Variants in FECH observed in about 807,000 individuals in gnomAD.
The protein encoded by FECH is ferrochelatase, mitochondrial.
A neutral mutation model predicts 56.9 loss-of-function variants in FECH; 40 were observed. The ratio of observed to expected loss-of-function variants is 0.70; its 90% CI spans 0.55 to 0.92. FECH has a LOEUF of 0.92. FECH is among the 40% of genes least tolerant of loss of function. FECH has a pLI of 0.00. For synonymous variants in FECH, 175 were observed against 198.6 expected (o/e 0.88, Z 1.00); for missense variants, 431 against 529.1 (o/e 0.81, Z 1.82).
At chr18:57,558,803 C>A (rs1055994139) in intron 7 of FECH, among the ~76,000 whole-genome samples, 1 of 152,100 alleles carries the variant, frequency 6.6e-6, no homozygotes, top group Non-Finnish European at 1.5e-5. Context: ...TGCCTGTAAT[C>A]CCAGCTACTT....
intron 5 of FECH, among the ~76,000 whole-genome samples, chr18:57,564,356 G>C (rs540821715): frequency 6.6e-6 from 1 of 152,322 alleles, no homozygotes; most frequent in East Asian, 1.9e-4. Flanking sequence ...AAGGCAGATG[G>C]TGTCAACCCA....
At position 57,546,767 on chromosome 18, in the gene FECH, T is replaced by G. The variant is rs2122224493; in HGVS notation, c.*3945A>C. Among the ~76,000 whole-genome samples, 1 of 151,982 alleles carries G rather than the reference T, an allele frequency of 6.6e-6. No homozygotes were observed. The highest frequency in any genetic ancestry group is 2.4e-5 in the African/African-American group (1 of 41,456). On this transcript the variant is annotated 3_prime_UTR_variant, in exon 11 of 11. Coordinates refer to ENST00000262093, the MANE Select transcript of FECH (RefSeq NM_000140.5). ...CGAGGTCAGGAATTAGAGACCAGCC[T>G]GACCAACATGGTCAGGCCCCATCTC...
intron 2 of FECH, among the ~76,000 whole-genome samples, chr18:57,575,439 TTTTTTG>T (rs1350299375): frequency 1.3e-5 from 2 of 152,070 alleles, no homozygotes; most frequent in Non-Finnish European, 2.9e-5. Flanking sequence ...TGATGACATC[TTTTTTG>T]TTTTTGTTTT....
At chr18:57,570,348 A>T (rs1490976355) in intron 4 of FECH, among the ~76,000 whole-genome samples, 1 of 152,212 alleles carries the variant, frequency 6.6e-6, no homozygotes, top group African/African-American at 2.4e-5. Flanking sequence ...TTAAGCAGGA[A>T]GCAAGCCGAA....
At chr18:57,570,142 C>G (rs2051082159) in intron 4 of FECH, among the ~76,000 whole-genome samples, 2 of 151,430 alleles carry the variant, frequency 1.3e-5, no homozygotes, top group South Asian at 2.1e-4. Context: ...GATCCACCTG[C>G]CTTGGCCTCC....
chr18:57,558,391 T>C (rs780022469), intron 7 of FECH, among the ~76,000 whole-genome samples: 7 of 152,198 alleles, frequency 4.6e-5, no homozygotes, highest in African/African-American at 1.7e-4. Flanking sequence ...CCCAACTTGA[T>C]CCTCTATATT....
At chr18:57,570,416 G>GC (rs2051088080) in intron 4 of FECH, among the ~76,000 whole-genome samples, 1 of 152,206 alleles carries the variant, frequency 6.6e-6, no homozygotes, top group African/African-American at 2.4e-5. Context: ...AGGGGCCAGG[G>GC]CCCTTTGTTA....
At chr18:57,565,812 G>A (rs1385936505) in intron 5 of FECH, among the ~76,000 whole-genome samples, 2 of 152,194 alleles carry the variant, frequency 1.3e-5, no homozygotes, top group Non-Finnish European at 2.9e-5. Context: ...AAATGTGTCT[G>A]TGGGTGACAG....
intron 2 of FECH, among the ~76,000 whole-genome samples, chr18:57,575,644 T>C (rs1280020944): frequency 6.6e-6 from 1 of 152,150 alleles, no homozygotes; most frequent in African/African-American, 2.4e-5. Flanking sequence ...AGTCTCGCCA[T>C]GTGGCCCCGA....
rs1045313454 is a variant in FECH at position 57,555,464 on chromosome 18, C to T, written c.805-512G>A. 3.9e-5 allele frequency among the ~76,000 whole-genome samples: 6 copies of T among 152,158 alleles called. No homozygotes were observed. The East Asian group carries it at 1.2e-3, about 29-fold the overall frequency. ...GTTACAGGCACCTCCAAGAGTGTGA[C>T]CTGCACCTTCCACTTCCTCTCTCCC... On this transcript the variant is annotated intron_variant, in intron 7 of 10. Transcript: ENST00000262093.
chr18:57,571,191 G>A (rs1440176972), intron 4 of FECH, among the ~76,000 whole-genome samples: 2 of 151,860 alleles, frequency 1.3e-5, no homozygotes, highest in Non-Finnish European at 2.9e-5. Context: ...TTTTTTACTT[G>A]TAATGTAAGA....
intron 7 of FECH, among the ~76,000 whole-genome samples, chr18:57,558,315 T>C (rs1041587237): frequency 1.3e-5 from 2 of 152,242 alleles, no homozygotes; most frequent in African/African-American, 2.4e-5. Flanking sequence ...ACAACAGCTA[T>C]GGCACAGATT....
intron 5 of FECH, 27 bp downstream of exon 5, chr18:57,566,420 T>C (rs1382845039): frequency 6.2e-7 from 1 of 1,614,070 alleles, no homozygotes; most frequent in Admixed American, 1.7e-5. Flanking sequence ...CGTATCTACC[T>C]TTCCACTGTC....
At chr18:57,554,991 T>C (rs751584756) in intron 7 of FECH, 39 bp from the exon 8 acceptor site, 1 of 1,530,556 alleles carries the variant, frequency 6.5e-7, no homozygotes, top group Non-Finnish European at 9.1e-7. Context: ...CCATTAACAC[T>C]GGGAAGGCCC....
chr18:57,582,783 C>T (rs1408032334), intron 1 of FECH, among the ~76,000 whole-genome samples: 2 of 150,046 alleles, frequency 1.3e-5, no homozygotes, highest in African/African-American at 2.5e-5. Flanking sequence ...ATTAGCCAGG[C>T]GTGGTGGCGG....
intron 5 of FECH, 80 bp downstream of exon 5, chr18:57,566,367 C>T: frequency 6.3e-7 from 1 of 1,592,646 alleles, no homozygotes; most frequent in South Asian, 1.1e-5. Context: ...ATAATTCATC[C>T]TTCCCTTCAG....
At chr18:57,573,418 AG>A in intron 2 of FECH, 53 bp from the exon 3 acceptor site, 1 of 1,608,320 alleles carries the variant, frequency 6.2e-7, no homozygotes, top group East Asian at 2.2e-5. Context: ...ATTTTCTTCC[AG>A]GGTGGACTCT....
chr18:57,564,792 G>A (rs1339846050), intron 5 of FECH, among the ~76,000 whole-genome samples: 1 of 152,190 alleles, frequency 6.6e-6, no homozygotes, highest in East Asian at 1.9e-4. Flanking sequence ...GTGCAAGGGG[G>A]CATCTGGAAG....
Position 57,554,307 on chromosome 18 carries a change from T to C in FECH, c.1030A>G (p.Thr344Ala), listed in dbSNP as rs1398094775. 1 of 1,614,084 alleles carries C rather than the reference T, an allele frequency of 6.2e-7. No homozygotes were observed. Among genetic ancestry groups the C allele is most frequent in the Admixed American group, 1.7e-5 (1 of 60,010 alleles). Residue 344 changes from threonine (T) to alanine (A), a missense_variant, in exon 9 of 11, where the codon ACG becomes GCG. Physicochemically the swap from Thr to Ala is moderately conservative, Grantham distance 58. Coordinates refer to ENST00000262093, the MANE Select transcript of FECH (RefSeq NM_000140.5). ...TACTCGATGTCCAGCTCATACAGCG[T>C]TTCAATATGGTCACTGGTAAATGCT... Reference protein sequence around the residue: ...PIAFTSDHIETLYELDIEYSQ... With the variant: ...PIAFTSDHIEALYELDIEYSQ...
Sources: gnomAD v4.1 joint callset for allele counts (sites outside exome capture counted in the v4.1 genomes callset) on GRCh38, gnomAD v4.1.1 for gene constraint, MANE v1.5 for transcripts, NCBI Gene and HGNC (gene_info 2026-07-23, HGNC 2026-07-21) for gene names.